Variants in OGA observed in about 807,000 individuals in gnomAD.
OGA encodes the protein O-GlcNAcase, also known as protein O-GlcNAcase.
Under a neutral mutation model 102.0 loss-of-function variants are expected in OGA, and 21 were observed. The observed-to-expected ratio is 0.21, with a 90% CI of 0.15 to 0.30. The LOEUF is 0.30. Ranked by LOEUF, OGA falls within the 10% of genes least tolerant of loss-of-function variation. The pLI is 1.00. For missense variants in OGA, 765 were observed against 1,107.8 expected (o/e 0.69, Z 4.39); for synonymous variants, 408 against 378.2 (o/e 1.08, Z -0.91).
intron 4 of OGA, among the ~76,000 whole-genome samples, chr10:101,809,367 A>G (rs2065518699): frequency 6.6e-6 from 1 of 152,206 alleles, no homozygotes; most frequent in South Asian, 2.1e-4. Flanking sequence ...ATTTGAGAAG[A>G]ACTAGTACCT....
chr10:101,812,852 C>A, intron 3 of OGA, 178 bp downstream of exon 3: 1 of 674,862 alleles, frequency 1.5e-6, no homozygotes, highest in Admixed American at 2.0e-5. Context: ...ATGGTCATGA[C>A]CTTGCTAGCG....
intron 4 of OGA, among the ~76,000 whole-genome samples, chr10:101,808,824 G>A (rs1209660542): frequency 6.6e-6 from 1 of 152,092 alleles, no homozygotes; most frequent in Non-Finnish European, 1.5e-5. Context: ...AAAAAAATTA[G>A]CCAGGTGTGG....
At chr10:101,791,207 A>T in intron 13 of OGA, 119 bp from the exon 14 acceptor site, 1 of 1,240,518 alleles carries the variant, frequency 8.1e-7, no homozygotes, top group Non-Finnish European at 1.1e-6. Flanking sequence ...TTGGTGTAAG[A>T]AACTAGAAAT....
intron 14 of OGA, among the ~76,000 whole-genome samples, chr10:101,788,421 G>GAAA (rs767434249): frequency 2.9e-5 from 3 of 102,266 alleles, no homozygotes; most frequent in Non-Finnish European, 4.1e-5. Context: ...CCTGGGCGGG[G>GAAA]AAAAAAAAAA....
Position 101,786,506 on chromosome 10 carries a change from A to G in OGA, c.2696T>C (p.Ile899Thr), listed in dbSNP as rs774335661. ...CTTTGGAAATCCTTCCATTTTTGCA[A>G]TTTCAAAACATCCTAACTTGCTGTA... ...EFYSKLGCFEIAKMEGFPKDV... is the reference protein window; with the variant it reads ...EFYSKLGCFETAKMEGFPKDV... Residue 899 changes from isoleucine to threonine, a missense_variant, in exon 16 of 16, where the codon ATT becomes ACT. Transcript: ENST00000361464. 2 of 1,612,502 alleles carry G rather than the reference A, an allele frequency of 1.2e-6. No individual in the cohort carries two copies. The highest frequency in any genetic ancestry group is 1.7e-6 in the Non-Finnish European group (2 of 1,179,372).
chr10:101,800,171 G>C, intron 8 of OGA, 71 bp downstream of exon 8: 1 of 1,505,036 alleles, frequency 6.6e-7, no homozygotes, highest in Non-Finnish European at 9.1e-7. Flanking sequence ...CCACACCCGG[G>C]AGACAGTGTT....
At chr10:101,789,641 T>C (rs1170684736) in intron 14 of OGA, among the ~76,000 whole-genome samples, 12 of 152,170 alleles carry the variant, frequency 7.9e-5, no homozygotes, top group Admixed American at 7.9e-4. Context: ...TCTTATTTAC[T>C]GTGCATAAAA....
Position 101,787,228 on chromosome 10 carries a change from A to C in OGA, c.2614+136T>G, listed in dbSNP as rs575620759. ...CACATGCGATTCTTCACCACTAATT[A>C]ATTCAGAAACCAAATCATAAAAGGT... On this transcript the variant is annotated intron_variant, in intron 15 of 15. Coordinates refer to ENST00000361464, the MANE Select transcript of OGA (RefSeq NM_012215.5). The C allele has an allele frequency of 1.6e-5, 15 of 962,404 alleles. No homozygotes were observed. In the Admixed American group the frequency reaches 3.3e-4, roughly 21 times the overall value. 59.6% of individuals were successfully genotyped at this position (962,404 alleles called of 1,614,324 possible). A position where few individuals can be genotyped will look rare whatever the true frequency, so the allele number is the denominator to read the frequency against.
In OGA at chr10:101,793,958, G is replaced by A; in HGVS notation, c.2025C>T (p.Asp675=). Residue 675 remains aspartate (D), a synonymous_variant, in exon 11 of 16, where the codon GAC becomes GAT. Transcript: ENST00000361464. ...SHSSAQFLIG[D]QEPWAFRGGL... ...CACCTCTAAAGGCCCAGGGTTCTTG[G>A]TCTCCAATTAAGAATTGTGCTGAAG... The A allele has an allele frequency of 6.2e-7, 1 of 1,613,674 alleles. No individual in the cohort carries two copies. The highest frequency in any genetic ancestry group is 8.5e-7 in the Non-Finnish European group (1 of 1,179,726).
At chr10:101,787,017 G>A (rs529262365) in intron 15 of OGA, among the ~76,000 whole-genome samples, 3 of 151,522 alleles carry the variant, frequency 2.0e-5, no homozygotes, top group Non-Finnish European at 4.4e-5. Context: ...AAAGTGCTGC[G>A]TGAGCCACCG....
At position 101,787,499 on chromosome 10, in the gene OGA, C is replaced by G. The variant is rs764632525; in HGVS notation, c.2479G>C (p.Glu827Gln). 6.2e-7 allele frequency: 1 copy of G among 1,611,974 alleles called. No individual in the cohort carries two copies. The highest frequency in any genetic ancestry group is 1.1e-5 in the South Asian group (1 of 90,972). Residue 827 changes from glutamate to glutamine, a missense_variant, in exon 15 of 16, where the codon GAA (glutamate) becomes CAA (glutamine). Transcript: ENST00000361464. ...AEKIMLSFHE[E>Q]QEVLPETFLA... ...AAAGTTTCTGGCAGTACTTCCTGTT[C>G]TTCATGGAAACTCAACATTATTTTC...
intron 7 of OGA, among the ~76,000 whole-genome samples, chr10:101,800,759 G>C (rs1319337410): frequency 1.3e-5 from 2 of 150,544 alleles, no homozygotes; most frequent in African/African-American, 4.9e-5. Flanking sequence ...AGCCTTCAGG[G>C]CCTTGTAACT....
rs750458909 is a variant in OGA at position 101,813,031 on chromosome 10, A to C, written c.348T>G (p.Ala116=). The C allele has an allele frequency of 1.9e-6, 3 of 1,598,326 alleles. No individual in the cohort carries two copies. In the East Asian group the frequency reaches 6.7e-5, roughly 36 times the overall value. Reference sequence around the variant, plus strand: ...TATGGATAAAAAGAAAAAGATTACCAGCTTCCTCCACTGAATACATCTCTC... The same window carrying C: ...TATGGATAAAAAGAAAAAGATTACCCGCTTCCTCCACTGAATACATCTCTC... ...FWREMYSVEE[A]EQLMTLISAA... The change falls in exon 3 of 16, where the codon GCT becomes GCG. Residue 116 remains alanine (A), a splice_region_variant and synonymous_variant. Transcript: ENST00000361464.
rs2065672782 is a variant in OGA, at chr10:101,818,434, T to A, written c.-412A>T. On this transcript the variant is annotated 5_prime_UTR_variant, in exon 1 of 16. Coordinates refer to ENST00000361464, the MANE Select transcript of OGA (RefSeq NM_012215.5). ...GCTGCTGCCTCCACCGCCCGCTTCC[T>A]GTTTATCCGCACTGCGCTTGCGCTG... The A allele has an allele frequency of 3.0e-6, 3 of 1,007,674 alleles. No homozygotes were observed. Among genetic ancestry groups the A allele is most frequent in the Non-Finnish European group, 3.6e-6 (3 of 843,804 alleles). 62.4% of individuals were successfully genotyped at this position (1,007,674 alleles called of 1,614,324 possible). A position where few individuals can be genotyped will look rare whatever the true frequency, so the allele number is the denominator to read the frequency against.
chr10:101,804,190 T>C (rs1476794307), intron 6 of OGA, among the ~76,000 whole-genome samples, 171 bp from the exon 7 acceptor site: 3 of 151,308 alleles, frequency 2.0e-5, no homozygotes, highest in African/African-American at 7.3e-5. Flanking sequence ...TATTTTAAAT[T>C]AAAAAATATA....
chr10:101,802,758 A>G (rs1429813792), intron 7 of OGA, among the ~76,000 whole-genome samples: 1 of 152,108 alleles, frequency 6.6e-6, no homozygotes, highest in Non-Finnish European at 1.5e-5. Flanking sequence ...TTAAATGTAA[A>G]TAATTATCAA....
Position 101,817,719 on chromosome 10 carries a change from C to T in OGA, c.199+105G>A, listed in dbSNP as rs148937959. The T allele has an allele frequency of 2.8e-4, 370 of 1,309,690 alleles. 6 individuals are homozygous for T. In the East Asian group the frequency reaches 9.4e-3, roughly 33 times the overall value. The allele number at this position is 1,309,690 out of a possible 1,614,324, so 81.1% of individuals were successfully genotyped here. Reference sequence around the variant, plus strand: ...CTTTAGGAGGGCCACATTTCAGACCCAGAGGCTTTCCGGCCTTTTAGAGTC... The same window carrying T: ...CTTTAGGAGGGCCACATTTCAGACCTAGAGGCTTTCCGGCCTTTTAGAGTC... On this transcript the variant is annotated intron_variant, in intron 1 of 15. Transcript: ENST00000361464.
At chr10:101,812,163 A>G (rs893285651) in intron 3 of OGA, among the ~76,000 whole-genome samples, 8 of 152,202 alleles carry the variant, frequency 5.3e-5, no homozygotes, top group African/African-American at 1.9e-4. Flanking sequence ...ACAAGTTCCC[A>G]AAGAAAAGCA....
At chr10:101,788,421 GAA>G (rs767434249) in intron 14 of OGA, among the ~76,000 whole-genome samples, 1,323 of 102,242 alleles carry the variant, frequency 0.013, 19 homozygotes, top group African/African-American at 0.035. Context: ...CCTGGGCGGG[GAA>G]AAAAAAAAAA....
Sources: allele counts gnomAD v4.1 joint callset (sites outside exome capture counted in the v4.1 genomes callset), GRCh38; gene constraint gnomAD v4.1.1; transcripts MANE v1.5; gene names NCBI Gene and HGNC (gene_info 2026-07-23, HGNC 2026-07-21).